ASCC3: variants seen among roughly 807,000 people sequenced by gnomAD.
The protein encoded by ASCC3 is activating signal cointegrator 1 complex subunit 3.
A neutral mutation model predicts 256.3 loss-of-function variants in ASCC3; 158 were observed. The observed-to-expected ratio is 0.62, with a 90% CI of 0.54 to 0.70. The LOEUF (loss-of-function observed/expected upper bound fraction) is 0.70. ASCC3 is among the 30% of genes least tolerant of loss of function. The pLI is 0.00. For missense variants in ASCC3, 2,259 were observed against 2,626.0 expected (o/e 0.86, Z 3.05); for synonymous variants, 948 against 883.4 (o/e 1.07, Z -1.30).
At chr6:100,626,560 A>G (rs1234349691) in intron 29 of ASCC3, among the ~76,000 whole-genome samples, 2 of 152,114 alleles carry the variant, frequency 1.3e-5, no homozygotes, top group Non-Finnish European at 2.9e-5. Flanking sequence ...TATATAAGAC[A>G]AAATACTTCC....
intron 14 of ASCC3, among the ~76,000 whole-genome samples, chr6:100,669,793 T>C (rs1021915894): frequency 1.3e-5 from 2 of 151,918 alleles, no homozygotes; most frequent in Admixed American, 6.6e-5. Context: ...GAGAATATTG[T>C]ATATTAAATT....
intron 21 of ASCC3, 42 bp from the exon 22 acceptor site, chr6:100,646,811 A>G (rs772363319): frequency 6.3e-7 from 1 of 1,590,372 alleles, no homozygotes; most frequent in South Asian, 1.1e-5. Flanking sequence ...GTCCAGGCAG[A>G]AAAAAGCAAT....
intron 10 of ASCC3, among the ~76,000 whole-genome samples, chr6:100,756,208 A>T (rs1299567635): frequency 2.7e-5 from 4 of 147,430 alleles, no homozygotes; most frequent in Admixed American, 6.8e-5. Flanking sequence ...CCAAATAATT[A>T]AAAAAAAAAA....
chr6:100,550,563 A>G (rs1283725016), intron 36 of ASCC3, among the ~76,000 whole-genome samples: 1 of 152,032 alleles, frequency 6.6e-6, no homozygotes, highest in African/African-American at 2.4e-5. Context: ...AGGAAAACTT[A>G]GGAGTGCTGA....
chr6:100,652,843 A>G lies in ASCC3; in HGVS notation c.2870T>C (p.Val957Ala). ...CTGAGCTTTGTCTAGTTTTCGTCCA[A>G]CTTCAATGACCAACTGTTCTCGATG... ...RKHREQLVIE[V>A]GRKLDKAQMI... The change falls in exon 18 of 42, where the codon GTT becomes GCT. Residue 957 changes from valine to alanine, a missense_variant. Val to Ala is a moderately conservative substitution (Grantham distance 64). Around this residue, in one of 2 missense-constraint regions of ASCC3, gnomAD observed 1,839 missense variants for 2,206.7 expected, o/e 0.83. Coordinates refer to ENST00000369162, the MANE Select transcript of ASCC3 (RefSeq NM_006828.4). The G allele has an allele frequency of 1.9e-6, 3 of 1,613,934 alleles. No individual in the cohort carries two copies. Among genetic ancestry groups the G allele is most frequent in the Non-Finnish European group, 2.5e-6 (3 of 1,179,922 alleles).
At chr6:100,837,756 G>A (rs1005813285) in intron 4 of ASCC3, among the ~76,000 whole-genome samples, 1 of 152,106 alleles carries the variant, frequency 6.6e-6, no homozygotes, top group Non-Finnish European at 1.5e-5. Context: ...AGAACAAGGA[G>A]AGTTTGGCCA....
At chr6:100,578,136 G>T (rs1424513659) in intron 36 of ASCC3, among the ~76,000 whole-genome samples, 1 of 151,970 alleles carries the variant, frequency 6.6e-6, no homozygotes, top group African/African-American at 2.4e-5. Flanking sequence ...CTACCAGGCT[G>T]ACCCCAATCA....
rs1188172436 is a variant in ASCC3 at position 100,525,598 on chromosome 6, A to T, written c.5776-7456T>A. Among the ~76,000 whole-genome samples, 7 of 152,260 alleles carry T rather than the reference A, an allele frequency of 4.6e-5. No homozygotes were observed. The East Asian group carries it at 1.4e-3, about 29-fold the overall frequency. On this transcript the variant is annotated intron_variant, in intron 37 of 41. Coordinates refer to ENST00000369162, the MANE Select transcript of ASCC3 (RefSeq NM_006828.4). ...TACAAGTATTATATATCAAGAAAAA[A>T]ATTTTAAAAAGAAAAAGGATATTAG...
chr6:100,758,542 T>A (rs1163584792), intron 10 of ASCC3, among the ~76,000 whole-genome samples: 1 of 152,216 alleles, frequency 6.6e-6, no homozygotes, highest in Non-Finnish European at 1.5e-5. Context: ...TCCAGCTTCA[T>A]CCATGTCCCT....
intron 4 of ASCC3, among the ~76,000 whole-genome samples, chr6:100,808,701 A>T (rs2114375766): frequency 6.6e-6 from 1 of 152,108 alleles, no homozygotes; most frequent in African/African-American, 2.4e-5. Flanking sequence ...TTGTTATTTT[A>T]AAATGAATAA....
chr6:100,806,615 T>A (rs1042990541), intron 4 of ASCC3, among the ~76,000 whole-genome samples: 2 of 151,930 alleles, frequency 1.3e-5, no homozygotes, highest in African/African-American at 4.8e-5. Flanking sequence ...AATGCTCTAA[T>A]TTTGCATATG....
chr6:100,806,861 C>G (rs555202809), intron 4 of ASCC3, among the ~76,000 whole-genome samples: 2 of 152,008 alleles, frequency 1.3e-5, no homozygotes, highest in South Asian at 4.1e-4. Flanking sequence ...TTTTATTGAA[C>G]ACATTATATG....
chr6:100,555,625 A>G (rs1195340567), intron 36 of ASCC3, among the ~76,000 whole-genome samples: 3 of 152,212 alleles, frequency 2.0e-5, no homozygotes, highest in Non-Finnish European at 4.4e-5. Flanking sequence ...AAGTCCTTAA[A>G]AAATTGCCCT....
intron 34 of ASCC3, among the ~76,000 whole-genome samples, chr6:100,594,044 T>C (rs1209624412): frequency 1.3e-5 from 2 of 152,034 alleles, no homozygotes; most frequent in East Asian, 3.9e-4. Flanking sequence ...AGAATATAAA[T>C]AGACATATAG....
chr6:100,612,109 A>C (rs1257163726), intron 30 of ASCC3, among the ~76,000 whole-genome samples: 10 of 152,022 alleles, frequency 6.6e-5, no homozygotes, highest in Non-Finnish European at 8.8e-5. Flanking sequence ...GCACATATGT[A>C]AACTGTTGAA....
At chr6:100,820,524 T>C (rs2114420112) in intron 4 of ASCC3, among the ~76,000 whole-genome samples, 1 of 151,992 alleles carries the variant, frequency 6.6e-6, no homozygotes, top group South Asian at 2.1e-4. Flanking sequence ...GCTAAAATGA[T>C]AAAACTCTCA....
intron 8 of ASCC3, among the ~76,000 whole-genome samples, chr6:100,788,727 AT>A (rs1769209128): frequency 1.3e-5 from 2 of 152,166 alleles, no homozygotes; most frequent in Middle Eastern, 3.4e-3. Flanking sequence ...CTTACATGAT[AT>A]TATACAAGTA....
intron 10 of ASCC3, among the ~76,000 whole-genome samples, chr6:100,748,542 ATAT>A (rs1395994406): frequency 2.0e-5 from 3 of 152,066 alleles, no homozygotes; most frequent in African/African-American, 4.8e-5. Flanking sequence ...GAGAGCACAG[ATAT>A]TATTCTTTCA....
chr6:100,588,371 T>C (rs1381147442), intron 36 of ASCC3, among the ~76,000 whole-genome samples: 1 of 152,164 alleles, frequency 6.6e-6, no homozygotes, highest in Non-Finnish European at 1.5e-5. Context: ...TTAAGAGGCA[T>C]GCCCAAATTA....
Sources: gnomAD v4.1 joint callset for allele counts (sites outside exome capture counted in the v4.1 genomes callset) on GRCh38, gnomAD v4.1.1 for gene constraint, gnomAD v4.1.1 regional missense constraint, MANE v1.5 for transcripts, NCBI Gene and HGNC (gene_info 2026-07-23, HGNC 2026-07-21) for gene names.